BLTP3B: variants seen among roughly 807,000 people sequenced by gnomAD.
The protein encoded by BLTP3B is UHRF1 (ICBP90) binding protein 1-like.
the BLTP3B span, chr12:100,086,464 G>A: frequency 4.6e-6 from 3 of 648,890 alleles, no homozygotes; most frequent in African/African-American, 5.6e-5. Context: ...AGTAATAACT[G>A]TCTCTCTTTT....
the BLTP3B span, chr12:100,108,665 A>AC: frequency 2.6e-6 from 2 of 780,490 alleles, no homozygotes; most frequent in Non-Finnish European, 3.9e-6. Flanking sequence ...CATAATGTCC[A>AC]TCAACGACAA....
chr12:100,038,583 G>A, the BLTP3B span, among the ~76,000 whole-genome samples: 10 of 152,200 alleles, frequency 6.6e-5, no homozygotes, highest in East Asian at 1.2e-3. Context: ...TGATCTGCCC[G>A]CCTTGGCCTC....
At chr12:100,112,791 C>T in the BLTP3B span, among the ~76,000 whole-genome samples, 2 of 144,134 alleles carry the variant, frequency 1.4e-5, no homozygotes, top group African/African-American at 2.6e-5. Flanking sequence ...ACCCGGGAGG[C>T]GGAGGTGGCA....
chr12:100,135,663 T>G, the BLTP3B span, among the ~76,000 whole-genome samples: 10 of 152,190 alleles, frequency 6.6e-5, no homozygotes, highest in African/African-American at 2.4e-4. Flanking sequence ...CCTTTCCCTA[T>G]GTTACTTTTT....
the BLTP3B span, among the ~76,000 whole-genome samples, chr12:100,046,089 A>G: frequency 6.6e-6 from 1 of 152,156 alleles, no homozygotes; most frequent in Non-Finnish European, 1.5e-5. Flanking sequence ...GATGCTGGAG[A>G]GGATGTGGAG....
the BLTP3B span, chr12:100,082,966 T>C: frequency 7.4e-7 from 1 of 1,343,532 alleles, no homozygotes; most frequent in African/African-American, 1.4e-5. Flanking sequence ...GTTGCTTAGA[T>C]GAGATACTAA....
chr12:100,130,972 A>G, the BLTP3B span, among the ~76,000 whole-genome samples: 1 of 104,384 alleles, frequency 9.6e-6, no homozygotes, highest in Non-Finnish European at 1.8e-5. Context: ...AGAGAGAGAG[A>G]GAGAGGGAGG....
chr12:100,142,856 A>C, the BLTP3B span: 2 of 577,792 alleles, frequency 3.5e-6, no homozygotes, highest in Admixed American at 3.7e-5. Context: ...TCTTGGCTGC[A>C]GCATCACCTA....
the BLTP3B span, chr12:100,059,856 C>T: frequency 6.2e-7 from 1 of 1,609,670 alleles, no homozygotes; most frequent in Non-Finnish European, 8.5e-7. Context: ...ATACCTTTAG[C>T]ATTAAGCCAT....
chr12:100,096,253 CAA>C, the BLTP3B span, among the ~76,000 whole-genome samples: 1 of 113,854 alleles, frequency 8.8e-6, no homozygotes. Flanking sequence ...AACTCTGTCT[CAA>C]AAAAAAAAAA....
the BLTP3B span, among the ~76,000 whole-genome samples, chr12:100,126,124 A>G: frequency 3.1e-4 from 47 of 152,144 alleles, no homozygotes; most frequent in Non-Finnish European, 6.5e-4. Flanking sequence ...AGTAAAGAAG[A>G]CTTTGGGAAG....
the BLTP3B span, among the ~76,000 whole-genome samples, chr12:100,121,582 A>C: frequency 6.0e-5 from 9 of 149,468 alleles, no homozygotes; most frequent in African/African-American, 1.5e-4. Flanking sequence ...TGTAATCCCA[A>C]CACTTTGGGA....
chr12:100,039,740 G>A, the BLTP3B span: 22 of 1,612,420 alleles, frequency 1.4e-5, no homozygotes, highest in South Asian at 2.2e-5. Context: ...GCACTGAATC[G>A]CTTTTGACAT....
chr12:100,037,386 T>C, the BLTP3B span: 10 of 1,173,876 alleles, frequency 8.5e-6, no homozygotes, highest in Non-Finnish European at 1.1e-5. Flanking sequence ...TTACACTATG[T>C]GTTGACTTCC....
chr12:100,047,280 C>A, the BLTP3B span, among the ~76,000 whole-genome samples: 1 of 151,996 alleles, frequency 6.6e-6, no homozygotes, highest in African/African-American at 2.4e-5. Context: ...GGTAGATAAC[C>A]TGAAGTCAGG....
the BLTP3B span, chr12:100,059,577 T>C: frequency 1.3e-6 from 2 of 1,520,560 alleles, no homozygotes; most frequent in Non-Finnish European, 1.8e-6. Context: ...GGCAAATCCA[T>C]ACATCTTGAA....
At chr12:100,113,013 A>G in the BLTP3B span, among the ~76,000 whole-genome samples, 5 of 152,156 alleles carry the variant, frequency 3.3e-5, no homozygotes, top group Admixed American at 3.3e-4. Context: ...TCTACAAAAA[A>G]TACAAAACTT....
the BLTP3B span, among the ~76,000 whole-genome samples, chr12:100,131,033 G>T: frequency 1.2e-4 from 14 of 113,368 alleles, no homozygotes; most frequent in Non-Finnish European, 2.4e-4. Flanking sequence ...GAGAGAGAGA[G>T]AAAGAGTTTT....
the BLTP3B span, among the ~76,000 whole-genome samples, chr12:100,076,784 T>C: frequency 3.3e-5 from 5 of 152,252 alleles, no homozygotes; most frequent in Admixed American, 1.3e-4. Context: ...TTTCTCTGCA[T>C]ATATGGAAAC....
Sources: allele counts gnomAD v4.1 joint callset (sites outside exome capture counted in the v4.1 genomes callset), GRCh38; gene constraint gnomAD v4.1.1; transcripts MANE v1.5; gene names NCBI Gene and HGNC (gene_info 2026-07-23, HGNC 2026-07-21).